EXOC4: variants seen among roughly 807,000 people sequenced by gnomAD.
The protein encoded by EXOC4 is exocyst complex component 4.
A neutral mutation model predicts 107.2 loss-of-function variants in EXOC4; 71 were observed. The observed-to-expected ratio is 0.66, with a 90% CI of 0.55 to 0.81. The LOEUF is 0.81. Ranked by LOEUF, EXOC4 falls within the 30% of genes least tolerant of loss-of-function variation. The pLI is 0.00. For synonymous variants in EXOC4, 456 were observed against 441.2 expected, an observed-to-expected ratio of 1.03 and a Z score of -0.42; for missense variants, 1,108 against 1,189.6, an observed-to-expected ratio of 0.93 and a Z score of 1.01.
At chr7:133,730,126 A>C (rs879773280) in intron 10 of EXOC4, among the ~76,000 whole-genome samples, 2 of 148,616 alleles carry the variant, frequency 1.3e-5, no homozygotes, top group Non-Finnish European at 3.0e-5. Context: ...TACTCTTTCT[A>C]ATAACCACAA....
chr7:133,800,758 A>G (rs140662918), intron 10 of EXOC4, among the ~76,000 whole-genome samples: 51 of 152,344 alleles, frequency 3.3e-4, no homozygotes, highest in African/African-American at 1.1e-3. Context: ...ACGTCTAGTC[A>G]TAACTTCAGT....
At chr7:133,525,074 C>T (rs1800054532) in intron 9 of EXOC4, among the ~76,000 whole-genome samples, 1 of 152,108 alleles carries the variant, frequency 6.6e-6, no homozygotes, top group African/African-American at 2.4e-5. Flanking sequence ...TAACATATAG[C>T]TTTCTTGAAT....
chr7:133,830,791 A>G (rs1333538942), intron 11 of EXOC4, among the ~76,000 whole-genome samples: 1 of 152,290 alleles, frequency 6.6e-6, no homozygotes, highest in East Asian at 1.9e-4. Flanking sequence ...ACTAAAACCT[A>G]TACCTTATTC....
At chr7:133,594,506 T>TTTTTTTTTTTTTTTTTTG in intron 9 of EXOC4, among the ~76,000 whole-genome samples, 1 of 139,222 alleles carries the variant, frequency 7.2e-6, no homozygotes, top group African/African-American at 2.7e-5. Context: ...TTTTTTTTTT[T>TTTTTTTTTTTTTTTTTTG]TTTTTTTGAG....
At chr7:134,000,109 C>T (rs1372575762) in intron 15 of EXOC4, among the ~76,000 whole-genome samples, 2 of 152,162 alleles carry the variant, frequency 1.3e-5, no homozygotes, top group Non-Finnish European at 2.9e-5. Context: ...CTCACTTCCT[C>T]ATGTAACATG....
intron 7 of EXOC4, among the ~76,000 whole-genome samples, chr7:133,452,262 G>T (rs1291675282): frequency 1.3e-5 from 2 of 152,032 alleles, no homozygotes; most frequent in African/African-American, 4.8e-5. Flanking sequence ...CTCATTTTCT[G>T]GATTCCAAGA....
rs78952432 is a variant in EXOC4 at position 133,254,693 on chromosome 7, T to C, written c.86+1506T>C. 2.1e-3 allele frequency among the ~76,000 whole-genome samples: 320 copies of C among 152,320 alleles called. 1 individual carries two copies. Among genetic ancestry groups the C allele is most frequent in the African/African-American group, 7.4e-3 (307 of 41,580 alleles). On this transcript the variant is annotated intron_variant, in intron 1 of 17. Coordinates refer to ENST00000253861, the MANE Select transcript of EXOC4 (RefSeq NM_021807.4). ...AGATGAAGCAGGCACAGTGTTACCC[T>C]TGAGGAGAGTATAGTTTACCTGGGG...
intron 11 of EXOC4, among the ~76,000 whole-genome samples, chr7:133,865,836 C>G (rs1178979743): frequency 1.3e-5 from 2 of 152,218 alleles, no homozygotes; most frequent in Non-Finnish European, 1.5e-5. Context: ...CCAATCACCT[C>G]TCACCAAGCC....
At chr7:133,278,628 C>T (rs1794054472) in intron 2 of EXOC4, among the ~76,000 whole-genome samples, 1 of 151,978 alleles carries the variant, frequency 6.6e-6, no homozygotes, top group Non-Finnish European at 1.5e-5. Context: ...GAGGCTGAAG[C>T]AAAATGAGGC....
intron 9 of EXOC4, chr7:133,576,662 C>A (rs1030630576): frequency 1.6e-6 from 2 of 1,289,680 alleles, no homozygotes; most frequent in Non-Finnish European, 2.0e-6. Context: ...GAAAAAGAAA[C>A]AATCAGAAGT....
chr7:133,272,148 C>G (rs1027752807), intron 1 of EXOC4, among the ~76,000 whole-genome samples: 2 of 151,798 alleles, frequency 1.3e-5, no homozygotes, highest in Admixed American at 1.3e-4. Context: ...CACTAACAAC[C>G]CTATGTGGAA....
In EXOC4 at chr7:133,856,509, C is replaced by T. The variant is rs189793341; in HGVS notation, c.1734+38965C>T. Among the ~76,000 whole-genome samples the T allele has an allele frequency of 1.5e-3, 227 of 152,364 alleles. 1 individual carries two copies. Among genetic ancestry groups the T allele is most frequent in the Non-Finnish European group, 2.8e-3 (193 of 68,036 alleles). On this transcript the variant is annotated intron_variant, in intron 11 of 17. Transcript: ENST00000253861. ...CTTGAGTATGGAGAGATTGTCTTCT[C>T]ACTGTGTGTGCAGCTCCTAGTGGAG...
chr7:133,443,103 C>G (rs1798140516), intron 7 of EXOC4, among the ~76,000 whole-genome samples: 1 of 152,138 alleles, frequency 6.6e-6, no homozygotes, highest in African/African-American at 2.4e-5. Flanking sequence ...AGATTTACAA[C>G]AGTTTATTTC....
At chr7:133,960,323 G>A (rs915389832) in intron 14 of EXOC4, among the ~76,000 whole-genome samples, 2 of 152,130 alleles carry the variant, frequency 1.3e-5, no homozygotes, top group African/African-American at 4.8e-5. Context: ...TTTTGGTTAT[G>A]TCCTTTCCTG....
intron 7 of EXOC4, among the ~76,000 whole-genome samples, chr7:133,434,900 CCTAA>C (rs1478511992): frequency 6.6e-6 from 1 of 152,094 alleles, no homozygotes; most frequent in Non-Finnish European, 1.5e-5. Context: ...TAAGTAAACT[CCTAA>C]CTATTGTGTG....
chr7:133,498,032 C>T (rs1333117900), intron 9 of EXOC4, among the ~76,000 whole-genome samples: 1 of 152,140 alleles, frequency 6.6e-6, no homozygotes, highest in Non-Finnish European at 1.5e-5. Context: ...AGGAAAGCAG[C>T]ACAGATTATC....
chr7:133,685,655 A>C (rs1794281207), intron 10 of EXOC4, among the ~76,000 whole-genome samples: 1 of 152,192 alleles, frequency 6.6e-6, no homozygotes, highest in Non-Finnish European at 1.5e-5. Flanking sequence ...AAAGTAGTAA[A>C]AGATTAAGAT....
At chr7:133,368,459 C>T (rs1418818037) in intron 6 of EXOC4, among the ~76,000 whole-genome samples, 4 of 152,130 alleles carry the variant, frequency 2.6e-5, no homozygotes, top group Non-Finnish European at 5.9e-5. Flanking sequence ...TATCTATTAT[C>T]TCCTTTCCTT....
intron 10 of EXOC4, among the ~76,000 whole-genome samples, chr7:133,718,628 A>G (rs967648783): frequency 2.0e-5 from 3 of 152,168 alleles, no homozygotes; most frequent in Non-Finnish European, 4.4e-5. Context: ...CTCACTGGCT[A>G]TGTAACCTGA....
Sources: allele counts gnomAD v4.1 joint callset (sites outside exome capture counted in the v4.1 genomes callset), GRCh38; gene constraint gnomAD v4.1.1; transcripts MANE v1.5; gene names NCBI Gene and HGNC (gene_info 2026-07-23, HGNC 2026-07-21).